HGFAC: variants seen among roughly 807,000 people sequenced by gnomAD.
The protein encoded by HGFAC is hepatocyte growth factor activator serine protease.
HGFAC carries 76 observed loss-of-function variants against 70.6 expected under a neutral mutation model. That is an observed-to-expected ratio of 1.08 (90% CI 0.89 to 1.30). The LOEUF is 1.30. Ranked by LOEUF, HGFAC falls within the 50% of genes most tolerant of loss-of-function variation. HGFAC has a pLI of 0.00. For synonymous variants in HGFAC, 464 were observed against 405.3 expected (o/e 1.14, Z -1.74); for missense variants, 1,044 against 933.7 (o/e 1.12, Z -1.54).
At position 3,447,416 on chromosome 4, in the gene HGFAC, G is replaced by A. The variant is rs1725546451; in HGVS notation, c.1356-76G>A. 6 of 1,551,422 alleles carry A rather than the reference G, an allele frequency of 3.9e-6. No homozygotes were observed. In the South Asian group the frequency reaches 5.7e-5, roughly 15 times the overall value. On this transcript the variant is annotated intron_variant, in intron 10 of 13. Transcript: ENST00000382774. ...CCACACCATTGGCCTCCGTGGGCCTGACAGGGGGTGGGGAGAGGTGAGCCC... is the reference window on the plus strand; with the variant it reads ...CCACACCATTGGCCTCCGTGGGCCTAACAGGGGGTGGGGAGAGGTGAGCCC...
intron 1 of HGFAC, 66 bp from the exon 2 acceptor site, chr4:3,442,666 C>G (rs960984141): frequency 1.7e-6 from 2 of 1,201,854 alleles, no homozygotes; most frequent in South Asian, 2.3e-5. Context: ...GGGCTGTGAC[C>G]TCCTGCCCGG....
In HGFAC at chr4:3,445,318, T is replaced by C; in HGVS notation, c.1070T>C (p.Leu357Pro). The C allele has an allele frequency of 6.3e-7, 1 of 1,587,648 alleles. No individual in the cohort carries two copies. The highest frequency in any genetic ancestry group is 8.6e-7 in the Non-Finnish European group (1 of 1,168,082). Residue 357 changes from leucine to proline, a missense_variant, in exon 9 of 14, where the codon CTC becomes CCC. Physicochemically the swap from Leu to Pro is moderately conservative, Grantham distance 98. Coordinates refer to ENST00000382774, the MANE Select transcript of HGFAC (RefSeq NM_001528.4). Reference sequence around the variant, plus strand: ...TGCTACGTGGTGAAGGACAGCGCGCTCTCCTGGGAGTACTGCCGCCTGGAG... The same window carrying C: ...TGCTACGTGGTGAAGGACAGCGCGCCCTCCTGGGAGTACTGCCGCCTGGAG... The part of the protein sequence containing the change: ...PWCYVVKDSA[L>P]SWEYCRLEAC...
intron 5 of HGFAC, 52 bp downstream of exon 5, chr4:3,444,213 C>T (rs867644897): frequency 9.6e-6 from 15 of 1,565,016 alleles, no homozygotes; most frequent in South Asian, 9.3e-5. Flanking sequence ...AGCAAGTCCC[C>T]GGAGGATGGG....
At position 3,442,087 on chromosome 4, in the gene HGFAC, T is replaced by C. The variant is rs201195827; in HGVS notation, c.86T>C (p.Leu29Pro). 1.5e-5 allele frequency: 24 copies of C among 1,558,996 alleles called. No homozygotes were observed. In the East Asian group the frequency reaches 3.9e-4, roughly 25 times the overall value. The change falls in exon 1 of 14, where the codon CTG becomes CCG. Residue 29 changes from leucine (L) to proline (P), a missense_variant. Transcript: ENST00000382774. ...CTCCTCCTCCTGCTGCTGCTGCTGC[T>C]GCCACGGGGGTTCCAGCCCCAGCCT... ...FLLLLLLLLLLPRGFQPQPGG... is the reference protein window; with the variant it reads ...FLLLLLLLLLPPRGFQPQPGG...
At chr4:3,443,303 T>G in intron 3 of HGFAC, 38 bp from the exon 4 acceptor site, 1 of 1,515,142 alleles carries the variant, frequency 6.6e-7, no homozygotes, top group Non-Finnish European at 8.9e-7. Flanking sequence ...GGGGGGCCTC[T>G]GCCTGGGACC....
chr4:3,449,416 C>T lies in HGFAC; in HGVS notation c.1965C>T (p.Ser655=). The T allele has an allele frequency of 6.5e-7, 1 of 1,543,876 alleles. No individual in the cohort carries two copies. Among genetic ancestry groups the T allele is most frequent in the South Asian group, 1.2e-5 (1 of 81,764 alleles). Residue 655 remains serine, a synonymous_variant, in exon 14 of 14, where the codon TCC becomes TCT. Transcript: ENST00000382774. ...IRPPRRLVAP[S] ...CTCCCAGGCGGCTTGTGGCTCCCTC[C>T]TGACCCTCCAGCGGGACACCCTGGT...
rs1352607733 is a variant in HGFAC, at chr4:3,442,055, C to T, written c.54C>T (p.Pro18=). 2 of 1,547,082 alleles carry T rather than the reference C, an allele frequency of 1.3e-6. No individual in the cohort carries two copies. Among genetic ancestry groups the T allele is most frequent in the Non-Finnish European group, 1.7e-6 (2 of 1,160,866 alleles). Residue 18 remains proline, a synonymous_variant, in exon 1 of 14, where the codon CCC becomes CCT. Transcript: ENST00000382774. ...CCTGGCCCCCACCGGGGCTGGGCCC[C>T]TTCCTCCTCCTCCTCCTGCTGCTGC... ...PSPWPPPGLG[P]FLLLLLLLLL...
chr4:3,444,955 C>T lies in HGFAC; in HGVS notation c.978C>T (p.Ala326=), dbSNP rs144021102. ...YQELHVDSVG[A]AALLGLGPHA... is the part of the protein sequence containing the mutation. The stretch of plus-strand genomic sequence containing the variant: ...AGCTGCACGTGGACTCCGTGGGCGC[C>T]GCGGCCCTGCTGGGCCTGGGCCCCC... The change falls in exon 8 of 14, where the codon GCC becomes GCT. Residue 326 remains alanine (A), a synonymous_variant. Transcript: ENST00000382774. 2,237 of 1,606,078 alleles carry T rather than the reference C, an allele frequency of 1.4e-3. 53 individuals carry two copies. In the East Asian group the frequency reaches 0.038, roughly 27 times the overall value.
chr4:3,447,837 G>A (rs949119368), intron 11 of HGFAC, 58 bp from the exon 12 acceptor site: 84 of 1,586,870 alleles, frequency 5.3e-5, no homozygotes, highest in Middle Eastern at 3.5e-4. Flanking sequence ...CACGGGCCCC[G>A]ACAGCCTCCC....
Position 3,442,768 on chromosome 4 carries a change from AC to A in HGFAC, c.158del (p.Pro53LeufsTer8). On this transcript the variant is annotated frameshift_variant, in exon 2 of 14. Transcript: ENST00000382774. LOFTEE classifies it high-confidence loss of function. ...TESPEPNATA[T>X]PAIPTILVTS... ...GTCCCCAGAACCTAATGCCACAGCG[AC>A]CCCTGCGATCCCCACTATCCTGGTG... is the stretch of plus-strand genomic sequence containing the variant. 1 of 1,527,376 alleles carries A rather than the reference AC, an allele frequency of 6.5e-7. No homozygotes were observed. The highest frequency in any genetic ancestry group is 2.3e-5 in the Admixed American group (1 of 44,246). The allele number at this position is 1,527,376 out of a possible 1,614,324, so 94.6% of individuals were successfully genotyped here.
In HGFAC at chr4:3,447,924, C is replaced by T. The variant is rs759469873; in HGVS notation, c.1525C>T (p.Arg509Cys). The change falls in exon 12 of 14, where the codon CGC becomes TGC. Residue 509 changes from arginine (R) to cysteine (C), a missense_variant. Coordinates refer to ENST00000382774, the MANE Select transcript of HGFAC (RefSeq NM_001528.4). ...GATCCGGCTGAAGAAGAAAGGGGAC[C>T]GCTGTGCCACACGCTCGCAGTTCGT... ...VLIRLKKKGD[R>C]CATRSQFVQP... The T allele has an allele frequency of 6.2e-6, 10 of 1,610,128 alleles. No individual in the cohort carries two copies. Among genetic ancestry groups the T allele is most frequent in the East Asian group, 2.2e-5 (1 of 44,758 alleles).
chr4:3,441,075 C>T (rs915645315), upstream of HGFAC, among the ~76,000 whole-genome samples: 21 of 152,232 alleles, frequency 1.4e-4, no homozygotes, highest in Middle Eastern at 6.8e-3. This position sits in a 1 kb window ranked among gnomAD's most constrained non-coding sequence, Gnocchi z 6.0. Context: ...AGGAGGAACC[C>T]GAGGTGCCGT....
intron 13 of HGFAC, 61 bp downstream of exon 13, chr4:3,448,337 C>G: frequency 1.3e-6 from 2 of 1,562,798 alleles, no homozygotes; most frequent in Non-Finnish European, 1.7e-6. Flanking sequence ...TCCTGAGTCT[C>G]CGAGATGCTT....
intron 9 of HGFAC, chr4:3,445,658 C>T (rs540698145): frequency 9.9e-6 from 6 of 605,784 alleles, no homozygotes; most frequent in African/African-American, 7.4e-5. Flanking sequence ...AGCGTGCAGG[C>T]CCCCCAGAGG....
At position 3,447,640 on chromosome 4, in the gene HGFAC, C is replaced by T. The variant is rs372210845; in HGVS notation, c.1495+9C>T. On this transcript the variant is annotated intron_variant, in intron 11 of 13. Coordinates refer to ENST00000382774, the MANE Select transcript of HGFAC (RefSeq NM_001528.4). ...CAGCGACCACGACCTCGGTGAGCTC[C>T]GGCGTGTCGTGGCTGCACTCTGGGC... 141 of 1,612,160 alleles carry T rather than the reference C, an allele frequency of 8.7e-5. No individual in the cohort carries two copies. Among genetic ancestry groups the T allele is most frequent in the Middle Eastern group, 1.6e-4 (1 of 6,076 alleles).
chr4:3,446,211 C>G lies in HGFAC; in HGVS notation c.1272C>G (p.Ala424=). 2 of 1,611,320 alleles carry G rather than the reference C, an allele frequency of 1.2e-6. No individual in the cohort carries two copies. Among genetic ancestry groups the G allele is most frequent in the South Asian group, 2.2e-5 (2 of 90,812 alleles). The change falls in exon 10 of 14, where the codon GCC becomes GCG. Residue 424 remains alanine (A), a synonymous_variant. Coordinates refer to ENST00000382774, the MANE Select transcript of HGFAC (RefSeq NM_001528.4). The part of the protein sequence containing the change: ...SLPGSHPWLA[A]IYIGDSFCAG... ...CCGGCTCGCACCCCTGGCTGGCCGC[C>G]ATCTACATCGGGGACAGCTTCTGCG...
chr4:3,445,303 T>C lies in HGFAC; in HGVS notation c.1055T>C (p.Val352Ala), dbSNP rs1459758122. The C allele has an allele frequency of 6.3e-7, 1 of 1,589,282 alleles. No homozygotes were observed. The highest frequency in any genetic ancestry group is 8.6e-7 in the Non-Finnish European group (1 of 1,168,870). Reference sequence around the variant, plus strand: ...GACGAGAGGCCCTGGTGCTACGTGGTGAAGGACAGCGCGCTCTCCTGGGAG... The same window carrying C: ...GACGAGAGGCCCTGGTGCTACGTGGCGAAGGACAGCGCGCTCTCCTGGGAG... ...DNDERPWCYVVKDSALSWEYC... is the reference protein window; with the variant it reads ...DNDERPWCYVAKDSALSWEYC... The change falls in exon 9 of 14, where the codon GTG (valine) becomes GCG (alanine). Residue 352 changes from valine (V) to alanine (A), a missense_variant. Coordinates refer to ENST00000382774, the MANE Select transcript of HGFAC (RefSeq NM_001528.4).
At chr4:3,442,222 A>G in intron 1 of HGFAC, 104 bp downstream of exon 1, 5 of 844,374 alleles carry the variant, frequency 5.9e-6, no homozygotes, top group East Asian at 2.9e-5. Context: ...TGGGGATTTG[A>G]GGGGGCGGGG....
rs887579419 is a variant in HGFAC, at chr4:3,445,286, G to A, written c.1038G>A (p.Arg346=). The change falls in exon 9 of 14, where the codon AGG becomes AGA. Residue 346 remains arginine (R), a synonymous_variant. Transcript: ENST00000382774. ...GCAGGAATCCGGACAATGACGAGAG[G>A]CCCTGGTGCTACGTGGTGAAGGACA... ...AYCRNPDNDE[R]PWCYVVKDSA... 1.3e-6 allele frequency: 2 copies of A among 1,586,178 alleles called. No homozygotes were observed. Among genetic ancestry groups the A allele is most frequent in the Non-Finnish European group, 1.7e-6 (2 of 1,167,262 alleles).
Sources: gnomAD v4.1 joint callset for allele counts (sites outside exome capture counted in the v4.1 genomes callset) on GRCh38, gnomAD v4.1.1 for gene constraint, Gnocchi (gnomAD v3.1) non-coding constraint, MANE v1.5 for transcripts, NCBI Gene and HGNC (gene_info 2026-07-23, HGNC 2026-07-21) for gene names.